Variants in TF observed in about 807,000 individuals in gnomAD.
TF encodes the protein transferrin.
TF carries 55 observed loss-of-function variants against 82.4 expected under a neutral mutation model. The observed-to-expected ratio is 0.67, with a 90% CI of 0.54 to 0.84. The LOEUF is 0.84. TF is among the 40% of genes least tolerant of loss of function. The pLI, the probability that TF is intolerant of heterozygous loss-of-function variation, is 0.00. For missense variants in TF, 737 were observed against 868.4 expected, an observed-to-expected ratio of 0.85 and a Z score of 1.90; for synonymous variants, 332 against 332.6, an observed-to-expected ratio of 1.00 and a Z score of 0.02.
chr3:133,674,411 C>A, the TF span, among the ~76,000 whole-genome samples: 1 of 152,208 alleles, frequency 6.6e-6, no homozygotes, highest in African/African-American at 2.4e-5. Context: ...GAGAGGCTTG[C>A]ATCTTGCAGC....
At chr3:133,752,750 C>A (rs1933710691) in intron 2 of TF, among the ~76,000 whole-genome samples, 1 of 152,108 alleles carries the variant, frequency 6.6e-6, no homozygotes, top group Non-Finnish European at 1.5e-5. Flanking sequence ...GGCTATGTGG[C>A]CCAGGGAAGT....
chr3:133,758,914 A>C (rs536179950), intron 8 of TF, among the ~76,000 whole-genome samples: 6 of 152,338 alleles, frequency 3.9e-5, no homozygotes, highest in African/African-American at 1.4e-4. Context: ...AAGGAAAAAA[A>C]CAGCCAGAGG....
chr3:133,666,383 G>C, the TF span, among the ~76,000 whole-genome samples: 1 of 152,106 alleles, frequency 6.6e-6, no homozygotes, highest in Non-Finnish European at 1.5e-5. Flanking sequence ...ATATTGGCCA[G>C]GCTGGTCTTG....
intron 4 of TF, among the ~76,000 whole-genome samples, chr3:133,754,968 T>G (rs1933784738): frequency 6.6e-6 from 1 of 152,248 alleles, no homozygotes; most frequent in Admixed American, 6.5e-5. Flanking sequence ...TCTTGTCCAC[T>G]TCTCTGGATT....
chr3:133,768,078 T>A lies in TF; in HGVS notation c.1536T>A (p.Ser512Arg), dbSNP rs775988708. The A allele has an allele frequency of 6.2e-7, 1 of 1,614,078 alleles. No individual in the cohort carries two copies. Among genetic ancestry groups the A allele is most frequent in the Non-Finnish European group, 8.5e-7 (1 of 1,180,040 alleles). The change falls in exon 13 of 17, where the codon AGT (serine) becomes AGA (arginine). Residue 512 changes from serine (S) to arginine (R), a missense_variant. Ser to Arg is a moderately radical substitution (Grantham distance 110). Transcript: ENST00000402696. ...GCAPGSKKDSSLCKLCMGSGL... is the reference protein window; with the variant it reads ...GCAPGSKKDSRLCKLCMGSGL... ...CCCCTGGGTCTAAGAAAGACTCCAG[T>A]CTCTGTAAGCTGTGTATGGGCTCAG... is the stretch of plus-strand genomic sequence containing the variant.
Position 133,793,252 on chromosome 3 carries a change from T to C in TF, c.*14632T>C, listed in dbSNP as rs894974704. 3 of 152,176 alleles carry C rather than the reference T, an allele frequency of 2.0e-5. No individual in the cohort carries two copies. The highest frequency in any genetic ancestry group is 2.1e-4 in the South Asian group (1 of 4,832). The allele number at this position is 152,176 out of a possible 1,614,324, so 9.4% of individuals were successfully genotyped here. On this transcript the variant is annotated 3_prime_UTR_variant, in exon 17 of 17. Transcript: ENST00000402696. ...ATCAACATGGAAAGGTTTTTGCCTT[T>C]TAAAACATTTTTGAGTCATCATTTT...
At chr3:133,756,367 C>T in intron 6 of TF, 30 bp downstream of exon 6, 1 of 1,610,690 alleles carries the variant, frequency 6.2e-7, no homozygotes, top group Non-Finnish European at 8.5e-7. Context: ...CCACCAGGGC[C>T]ACTCCAAGTA....
the TF span, among the ~76,000 whole-genome samples, chr3:133,665,339 CATCTGT>C: frequency 1.3e-5 from 2 of 151,668 alleles, no homozygotes; most frequent in Non-Finnish European, 2.9e-5. Context: ...TGGTGGCGGG[CATCTGT>C]AGTCTCAGCT....
chr3:133,701,163 T>C, the TF span: 1 of 152,446 alleles, frequency 6.6e-6, no homozygotes, highest in African/African-American at 2.4e-5. Context: ...TTTATTGGCC[T>C]GCAGAGCCCA....
chr3:133,715,304 A>G, the TF span, among the ~76,000 whole-genome samples: 1 of 152,174 alleles, frequency 6.6e-6, no homozygotes, highest in Non-Finnish European at 1.5e-5. Flanking sequence ...AAATCGAAAG[A>G]TAAATTCTAC....
chr3:133,667,984 C>T, the TF span, among the ~76,000 whole-genome samples: 2 of 152,174 alleles, frequency 1.3e-5, no homozygotes, highest in Non-Finnish European at 2.9e-5. Flanking sequence ...AATCATCAGA[C>T]CCAGGGAGAA....
rs1171610585 is a variant in TF at position 133,779,471 on chromosome 3, A to C, written c.*851A>C. ...CCATTTCCTGCAGTTGATAAAGTTG[A>C]CCACTCCCTCCTCCTTGGAACTCTT... is the stretch of plus-strand genomic sequence containing the variant. On this transcript the variant is annotated 3_prime_UTR_variant, in exon 17 of 17. Transcript: ENST00000402696. 1 of 152,314 alleles carries C rather than the reference A, an allele frequency of 6.6e-6. No individual in the cohort carries two copies. Among genetic ancestry groups the C allele is most frequent in the African/African-American group, 2.4e-5 (1 of 41,450 alleles). 9.4% of individuals were successfully genotyped at this position (152,314 alleles called of 1,614,324 possible).
At chr3:133,756,198 T>C in intron 5 of TF, 84 bp from the exon 6 acceptor site, 1 of 1,351,110 alleles carries the variant, frequency 7.4e-7, no homozygotes, top group Non-Finnish European at 1.0e-6. Flanking sequence ...CTAGTGTGAG[T>C]GCTGGACAGT....
intron 3 of TF, among the ~76,000 whole-genome samples, chr3:133,754,246 T>G (rs1933761743): frequency 6.6e-6 from 1 of 152,216 alleles, no homozygotes. Flanking sequence ...GGCAAAGCAT[T>G]CAGGACACAT....
chr3:133,672,010 A>G, the TF span, among the ~76,000 whole-genome samples: 1 of 152,174 alleles, frequency 6.6e-6, no homozygotes, highest in Non-Finnish European at 1.5e-5. Flanking sequence ...GAAAGTAGTA[A>G]ACATAAATCA....
the TF span, among the ~76,000 whole-genome samples, chr3:133,706,993 A>C: frequency 1.3e-5 from 2 of 152,186 alleles, no homozygotes; most frequent in African/African-American, 2.4e-5. Flanking sequence ...TCTATCTGCT[A>C]TGTATTCTAT....
chr3:133,745,987 T>C (rs1385849941), upstream of TF: 1 of 245,676 alleles, frequency 4.1e-6, no homozygotes, highest in Admixed American at 4.8e-5. Context: ...AGTTCTAGTG[T>C]GGGGTCTGGG....
intron 13 of TF, among the ~76,000 whole-genome samples, chr3:133,769,201 G>A (rs540898082): frequency 1.3e-5 from 2 of 152,238 alleles, no homozygotes; most frequent in African/African-American, 2.4e-5. Context: ...GAGCTTCCCC[G>A]TAATGATGTA....
chr3:133,746,054 G>T (rs1460216066), upstream of TF: 3 of 391,050 alleles, frequency 7.7e-6, no homozygotes, highest in African/African-American at 2.1e-5. Context: ...GCGCAGATAG[G>T]ACTGGTGGCA....
Sources: allele counts gnomAD v4.1 joint callset (sites outside exome capture counted in the v4.1 genomes callset), GRCh38; gene constraint gnomAD v4.1.1; transcripts MANE v1.5; gene names NCBI Gene and HGNC (gene_info 2026-07-23, HGNC 2026-07-21).